ANK2: variants seen among roughly 807,000 people sequenced by gnomAD.
ANK2 encodes the protein ankyrin 2, also known as ankyrin-2.
Under a neutral mutation model 360.5 loss-of-function variants are expected in ANK2, and 83 were observed. The ratio of observed to expected loss-of-function variants is 0.23; its 90% CI spans 0.19 to 0.28. ANK2 has a LOEUF of 0.28. Among genes scored for constraint, ANK2 ranks in the 10% least tolerant of loss-of-function variants. The pLI is 1.00. For missense variants in ANK2, 4,201 were observed against 4,795.7 expected, an observed-to-expected ratio of 0.88 and a Z score of 3.66; for synonymous variants, 1,740 against 1,759.5, an observed-to-expected ratio of 0.99 and a Z score of 0.28.
chr4:112,775,107 T>C, the ANK2 span, among the ~76,000 whole-genome samples: 1 of 152,094 alleles, frequency 6.6e-6, no homozygotes, highest in Non-Finnish European at 1.5e-5. Context: ...ACTGATAATC[T>C]GCAGTATAGA....
At chr4:113,222,097 A>G (rs2099158253) in intron 4 of ANK2, among the ~76,000 whole-genome samples, 1 of 152,246 alleles carries the variant, frequency 6.6e-6, no homozygotes, top group South Asian at 2.1e-4. Context: ...TGAGTCATAT[A>G]AAGATACAGT....
At chr4:112,881,232 G>C (rs2076609004) in intron 1 of ANK2, among the ~76,000 whole-genome samples, 1 of 152,196 alleles carries the variant, frequency 6.6e-6, no homozygotes, top group South Asian at 2.1e-4. Context: ...GAGCTCAGGA[G>C]TTGGAGACCA....
At chr4:113,085,855 G>A (rs671411) in intron 1 of ANK2, among the ~76,000 whole-genome samples, 64,412 of 151,806 alleles carry the variant, frequency 0.42, 13,864 homozygotes, top group East Asian at 0.56. Flanking sequence ...TGTTTTTAGA[G>A]AACCTTTACA....
intron 1 of ANK2, among the ~76,000 whole-genome samples, chr4:112,834,178 T>G (rs1437915167): frequency 6.6e-6 from 1 of 152,234 alleles, no homozygotes; most frequent in African/African-American, 2.4e-5. Context: ...CCCAGTTCAA[T>G]GCATATATCA....
At position 113,264,849 on chromosome 4, in the gene ANK2, C is replaced by T. The variant is rs29413; in HGVS notation, c.1387-48C>T. On this transcript the variant is annotated intron_variant, in intron 13 of 45. Coordinates refer to ENST00000357077, the MANE Select transcript of ANK2 (RefSeq NM_001148.6). ...AGGGACAACTTTATTCTTTACCATC[C>T]AGAGCGGTGGGTTAATTTATGATTT... The T allele has an allele frequency of 0.034, 51,982 of 1,531,158 alleles. 1,030 individuals are homozygous for T. The highest frequency in any genetic ancestry group is 0.055 in the East Asian group (2,247 of 40,798). The allele number at this position is 1,531,158 out of a possible 1,614,324, so 94.8% of individuals were successfully genotyped here.
At chr4:112,711,949 G>A in the ANK2 span, among the ~76,000 whole-genome samples, 2 of 150,768 alleles carry the variant, frequency 1.3e-5, no homozygotes, top group East Asian at 3.9e-4. Flanking sequence ...GGGTAGCTAG[G>A]ACTACAAGCA....
chr4:113,196,908 C>T (rs2098756196), intron 3 of ANK2, among the ~76,000 whole-genome samples: 1 of 152,164 alleles, frequency 6.6e-6, no homozygotes, highest in East Asian at 1.9e-4. Flanking sequence ...AAACCCCCTC[C>T]ATTAAACTCT....
the ANK2 span, among the ~76,000 whole-genome samples, chr4:112,717,257 G>A: frequency 6.6e-6 from 1 of 152,032 alleles, no homozygotes; most frequent in African/African-American, 2.4e-5. Context: ...TTTCTGCAGT[G>A]TATTATCTAA....
At chr4:112,942,752 G>T (rs2094318330) in intron 2 of ANK2, among the ~76,000 whole-genome samples, 1 of 151,272 alleles carries the variant, frequency 6.6e-6, no homozygotes, top group Non-Finnish European at 1.5e-5. Flanking sequence ...TTATAATTTC[G>T]CAAATAAGTA....
chr4:113,181,824 C>T (rs760335611), intron 2 of ANK2, among the ~76,000 whole-genome samples: 3 of 151,962 alleles, frequency 2.0e-5, no homozygotes, highest in Admixed American at 6.6e-5. Flanking sequence ...GGAGGGGAAG[C>T]GTAGGAGGAG....
Position 113,357,067 on chromosome 4 carries a change from A to G in ANK2, c.8449A>G (p.Thr2817Ala). 1 of 1,614,084 alleles carries G rather than the reference A, an allele frequency of 6.2e-7. No individual in the cohort carries two copies. Among genetic ancestry groups the G allele is most frequent in the Non-Finnish European group, 8.5e-7 (1 of 1,179,970 alleles). ...IYKESLALQGTHEKDTEGEEL... is the reference protein window; with the variant it reads ...IYKESLALQGAHEKDTEGEEL... ...TAAAGAATCATTAGCTCTCCAAGGCACTCATGAAAAAGACACAGAGGGAGA... is the reference window on the plus strand; with the variant it reads ...TAAAGAATCATTAGCTCTCCAAGGCGCTCATGAAAAAGACACAGAGGGAGA... The change falls in exon 38 of 46, where the codon ACT becomes GCT. Residue 2817 changes from threonine (T) to alanine (A), a missense_variant. By Grantham distance (58) the Thr-to-Ala change is moderately conservative (BLOSUM62 0). Transcript: ENST00000357077.
At chr4:112,902,291 G>A (rs1580840144) in intron 1 of ANK2, among the ~76,000 whole-genome samples, 1 of 152,332 alleles carries the variant, frequency 6.6e-6, no homozygotes, top group Non-Finnish European at 1.5e-5. Context: ...ATTAAAAGTA[G>A]CTGAGTGCAA....
At chr4:113,201,563 A>G (rs920515599) in intron 4 of ANK2, among the ~76,000 whole-genome samples, 4 of 152,208 alleles carry the variant, frequency 2.6e-5, no homozygotes, top group African/African-American at 9.6e-5. Context: ...TCAATTGTTC[A>G]GTGGAGGTTC....
chr4:113,046,726 T>C (rs2064559942), upstream of ANK2, among the ~76,000 whole-genome samples: 1 of 152,256 alleles, frequency 6.6e-6, no homozygotes, highest in South Asian at 2.1e-4. Flanking sequence ...TATTTTGTTA[T>C]AGCAGCACCA....
intron 2 of ANK2, among the ~76,000 whole-genome samples, chr4:112,969,868 C>T: frequency 6.6e-6 from 1 of 152,156 alleles, no homozygotes; most frequent in East Asian, 1.9e-4. Flanking sequence ...GTACTTTAGT[C>T]TCACTAGTGA....
chr4:113,236,983 C>T lies in ANK2; in HGVS notation c.484-4C>T, dbSNP rs746611852. On this transcript the variant is annotated splice_polypyrimidine_tract_variant and splice_region_variant and intron_variant, in intron 5 of 45. Coordinates refer to ENST00000357077, the MANE Select transcript of ANK2 (RefSeq NM_001148.6). ...CAGACAATTTTTACCTTCCATTTTA[C>T]CAGGATGGCTTTACTCCTCTAGCTG... The T allele has an allele frequency of 1.2e-6, 2 of 1,613,940 alleles. No homozygotes were observed. The highest frequency in any genetic ancestry group is 2.2e-5 in the East Asian group (1 of 44,900).
chr4:113,208,206 C>G (rs2098977137), intron 4 of ANK2, among the ~76,000 whole-genome samples: 1 of 151,898 alleles, frequency 6.6e-6, no homozygotes, highest in Admixed American at 6.6e-5. Flanking sequence ...GCTTGGAGAA[C>G]AAGTCGAAGG....
intron 1 of ANK2, among the ~76,000 whole-genome samples, chr4:113,169,596 T>C (rs936484507): frequency 3.3e-5 from 5 of 152,142 alleles, no homozygotes; most frequent in African/African-American, 1.2e-4. Flanking sequence ...CCAGAGACTG[T>C]GACGGGGGAG....
intron 2 of ANK2, among the ~76,000 whole-genome samples, chr4:113,018,520 G>T (rs762389293): frequency 6.6e-6 from 1 of 152,120 alleles, no homozygotes; most frequent in Non-Finnish European, 1.5e-5. Flanking sequence ...CTAGAGTTTA[G>T]ACTTAAGGTT....
Sources: allele counts gnomAD v4.1 joint callset (sites outside exome capture counted in the v4.1 genomes callset), GRCh38; gene constraint gnomAD v4.1.1; transcripts MANE v1.5; gene names NCBI Gene and HGNC (gene_info 2026-07-23, HGNC 2026-07-21).